The following ACTN4 variants were observed in gnomAD, a reference collection of about 807,000 sequenced individuals.
The protein encoded by ACTN4 is actinin alpha 4, also known as alpha-actinin-4.
ACTN4 carries 18 observed loss-of-function variants against 114.2 expected under a neutral mutation model. That is an observed-to-expected ratio of 0.16 (90% CI 0.11 to 0.23). The LOEUF is 0.23. Among genes scored for constraint, ACTN4 ranks in the 10% least tolerant of loss-of-function variants. ACTN4 has a pLI of 1.00. For missense variants in ACTN4, 722 were observed against 1,262.9 expected (o/e 0.57, Z 6.49); for synonymous variants, 515 against 506.3 (o/e 1.02, Z -0.23).
At chr19:38,694,322 C>T (rs1026167435) in intron 1 of ACTN4, among the ~76,000 whole-genome samples, 11 of 151,602 alleles carry the variant, frequency 7.3e-5, no homozygotes, top group East Asian at 1.9e-4. Context: ...TGCAGTGGCG[C>T]GATCTTGGCT....
chr19:38,730,750 G>A lies in ACTN4; in HGVS notation c.*1318G>A. On this transcript the variant is annotated 3_prime_UTR_variant, in exon 21 of 21. Transcript: ENST00000252699. Reference sequence around the variant, plus strand: ...GAGGGCCAGAGACTAGCCCCAGACAGGTGGATGCCAGAGAGAGTGGCACCC... The same window carrying A: ...GAGGGCCAGAGACTAGCCCCAGACAAGTGGATGCCAGAGAGAGTGGCACCC... 1 of 1,418,354 alleles carries A rather than the reference G, an allele frequency of 7.1e-7. No individual in the cohort carries two copies. The allele number at this position is 1,418,354 out of a possible 1,614,324, so 87.9% of individuals were successfully genotyped here. A position where few individuals can be genotyped will look rare whatever the true frequency, so the allele number is the denominator to read the frequency against.
intron 8 of ACTN4, among the ~76,000 whole-genome samples, chr19:38,711,977 C>G (rs2279146): frequency 0.056 from 8,539 of 152,290 alleles, 255 homozygotes; most frequent in South Asian, 0.096. Context: ...CACTGCTCCC[C>G]CCGCTTGCCT....
rs149936590 is a variant in ACTN4, at chr19:38,712,164, C to G, written c.819+1822C>G. On this transcript the variant is annotated intron_variant, in intron 8 of 20. Coordinates refer to ENST00000252699, the MANE Select transcript of ACTN4 (RefSeq NM_004924.6). ...GCTTCCAGAGGGTCCCTGTGCACAC[C>G]CCCAGGAGGGCTAGGCGCAGTTAGC... is the stretch of plus-strand genomic sequence containing the variant. Among the ~76,000 whole-genome samples the G allele has an allele frequency of 3.1e-4, 47 of 152,280 alleles. No homozygotes were observed. In the East Asian group the frequency reaches 5.8e-3, roughly 19 times the overall value.
intron 9 of ACTN4, among the ~76,000 whole-genome samples, chr19:38,716,241 T>G (rs1317388644): frequency 6.6e-6 from 1 of 152,216 alleles, no homozygotes; most frequent in African/African-American, 2.4e-5. Flanking sequence ...TTTGTTACCC[T>G]TTCTCACTCC....
At chr19:38,695,877 C>T (rs1968075799) in intron 1 of ACTN4, among the ~76,000 whole-genome samples, 1 of 152,134 alleles carries the variant, frequency 6.6e-6, no homozygotes, top group Non-Finnish European at 1.5e-5. Flanking sequence ...CTCTTCAGCT[C>T]CCATCCCAGG....
intron 19 of ACTN4, 185 bp downstream of exon 19, chr19:38,728,211 C>T (rs998145340): frequency 1.4e-6 from 2 of 1,383,980 alleles, no homozygotes; most frequent in Admixed American, 2.0e-5. Context: ...GCCGCTGTCT[C>T]CCTGCTCCCC....
At position 38,669,386 on chromosome 19, in the gene ACTN4, A is replaced by T. The variant is rs188149619; in HGVS notation, c.162+21479A>T. ...GCAAGAAGGATGCATCTCCTGGCCA[A>T]GGAAACTAGAGTTTGGAGGTGTCCC... On this transcript the variant is annotated intron_variant, in intron 1 of 20. Coordinates refer to ENST00000252699, the MANE Select transcript of ACTN4 (RefSeq NM_004924.6). 3.9e-4 allele frequency among the ~76,000 whole-genome samples: 60 copies of T among 152,372 alleles called. No individual in the cohort carries two copies. In the East Asian group the frequency reaches 0.011, roughly 27 times the overall value.
chr19:38,649,721 G>A (rs917919467), intron 1 of ACTN4, among the ~76,000 whole-genome samples: 1 of 152,096 alleles, frequency 6.6e-6, no homozygotes, highest in African/African-American at 2.4e-5. Flanking sequence ...GAAGCCTCTC[G>A]AGGGCGCGAG....
At chr19:38,726,054 C>T (rs1305048127) in intron 17 of ACTN4, 151 bp downstream of exon 17, 1 of 1,078,688 alleles carries the variant, frequency 9.3e-7, no homozygotes, top group Admixed American at 2.1e-5. Context: ...TTTGGGAGGC[C>T]AAGTGGGAGG....
chr19:38,654,141 A>C (rs1976644391), intron 1 of ACTN4, among the ~76,000 whole-genome samples: 1 of 152,236 alleles, frequency 6.6e-6, no homozygotes, highest in Non-Finnish European at 1.5e-5. Context: ...CCCAGGCATC[A>C]AGGAGTGTAA....
At chr19:38,673,693 A>T (rs1211764384) in intron 1 of ACTN4, among the ~76,000 whole-genome samples, 1 of 79,642 alleles carries the variant, frequency 1.3e-5, no homozygotes, top group African/African-American at 5.0e-5. Context: ...TATATATATT[A>T]TATATATTTA....
chr19:38,677,847 C>T (rs1336787246), intron 1 of ACTN4, among the ~76,000 whole-genome samples: 1 of 152,178 alleles, frequency 6.6e-6, no homozygotes, highest in African/African-American at 2.4e-5. Context: ...CTGCCTCAGC[C>T]TCCCAAGTAG....
At chr19:38,691,137 CG>C (rs1194520618) in intron 1 of ACTN4, among the ~76,000 whole-genome samples, 1 of 152,094 alleles carries the variant, frequency 6.6e-6, no homozygotes, top group East Asian at 1.9e-4. Context: ...AGTGTGAGGC[CG>C]GGTGTGTTGG....
At chr19:38,722,415 A>G (rs1969076663) in intron 12 of ACTN4, among the ~76,000 whole-genome samples, 1 of 151,782 alleles carries the variant, frequency 6.6e-6, no homozygotes, top group Non-Finnish European at 1.5e-5. Context: ...CCACCCCACC[A>G]CAGTCACCCC....
intron 1 of ACTN4, among the ~76,000 whole-genome samples, chr19:38,700,163 G>A (rs1166387619): frequency 6.6e-6 from 1 of 152,156 alleles, no homozygotes; most frequent in Non-Finnish European, 1.5e-5. Flanking sequence ...GAGGGCAGGA[G>A]CCCGACCTGT....
At chr19:38,711,329 T>G in intron 8 of ACTN4, 1 of 1,044,258 alleles carries the variant, frequency 9.6e-7, no homozygotes, top group African/African-American at 1.7e-5. Context: ...TTACGTGTCC[T>G]GCTTCTACCA....
intron 11 of ACTN4, among the ~76,000 whole-genome samples, chr19:38,719,461 C>A (rs1296004070): frequency 6.6e-6 from 1 of 152,258 alleles, no homozygotes; most frequent in Admixed American, 6.5e-5. Context: ...GCGGCAGCTG[C>A]CAGCCTCAGA....
At chr19:38,723,797 A>AG (rs1969130516) in intron 13 of ACTN4, 75 bp downstream of exon 13, 2 of 1,470,480 alleles carry the variant, frequency 1.4e-6, no homozygotes, top group East Asian at 4.8e-5. Flanking sequence ...GATAGTGTCC[A>AG]GACCTGTGAG....
intron 8 of ACTN4, among the ~76,000 whole-genome samples, 167 bp downstream of exon 8, chr19:38,710,509 C>G (rs1236936790): frequency 1.3e-5 from 2 of 152,252 alleles, no homozygotes. Flanking sequence ...CCTTAGCTCA[C>G]ACACCTATTG....
Sources: allele counts gnomAD v4.1 joint callset (sites outside exome capture counted in the v4.1 genomes callset), GRCh38; gene constraint gnomAD v4.1.1; transcripts MANE v1.5; gene names NCBI Gene and HGNC (gene_info 2026-07-23, HGNC 2026-07-21).